The following DACH1 variants were observed in gnomAD, a reference collection of about 807,000 sequenced individuals.
The protein encoded by DACH1 is dachshund family transcription factor 1.
Under a neutral mutation model 54.2 loss-of-function variants are expected in DACH1, and 12 were observed. The ratio of observed to expected loss-of-function variants is 0.22; its 90% CI spans 0.14 to 0.36. DACH1 has a LOEUF of 0.36. Among genes scored for constraint, DACH1 ranks in the 10% least tolerant of loss-of-function variants. The pLI, the probability that DACH1 is intolerant of heterozygous loss-of-function variation, is 1.00. For synonymous variants in DACH1, 386 were observed against 366.2 expected (o/e 1.05, Z -0.62); for missense variants, 805 against 929.8 (o/e 0.87, Z 1.75).
At chr13:71,689,255 T>A (rs778016378) in intron 1 of DACH1, among the ~76,000 whole-genome samples, 1 of 152,138 alleles carries the variant, frequency 6.6e-6, no homozygotes, top group Admixed American at 6.6e-5. Flanking sequence ...GATGCCAGAA[T>A]GGGGGGCTTT....
intron 1 of DACH1, among the ~76,000 whole-genome samples, chr13:71,685,180 C>A (rs970062732): frequency 6.6e-6 from 1 of 152,198 alleles, no homozygotes; most frequent in African/African-American, 2.4e-5. Context: ...CTTTAATTCA[C>A]GCTGTGATTA....
chr13:71,575,400 C>T (rs1885467585), intron 3 of DACH1, among the ~76,000 whole-genome samples: 3 of 151,868 alleles, frequency 2.0e-5, no homozygotes, highest in South Asian at 4.1e-4. Flanking sequence ...GTTTGAGCTC[C>T]ATTTACAGCT....
chr13:71,632,733 C>A (rs1877205036), intron 2 of DACH1, among the ~76,000 whole-genome samples: 1 of 152,022 alleles, frequency 6.6e-6, no homozygotes, highest in Non-Finnish European at 1.5e-5. Flanking sequence ...GCAACAAGAC[C>A]TTCAGATTGG....
chr13:71,823,294 G>C (rs1190220103), intron 1 of DACH1, among the ~76,000 whole-genome samples: 4 of 151,922 alleles, frequency 2.6e-5, no homozygotes, highest in Non-Finnish European at 5.9e-5. Flanking sequence ...CAAAGGAAAG[G>C]GTCAATGTGT....
At chr13:71,839,639 A>T (rs1446753255) in intron 1 of DACH1, among the ~76,000 whole-genome samples, 2 of 152,174 alleles carry the variant, frequency 1.3e-5, no homozygotes, top group East Asian at 3.9e-4. Flanking sequence ...AATAAAATTA[A>T]AAAAGGAGTT....
intron 1 of DACH1, among the ~76,000 whole-genome samples, chr13:71,735,276 ATG>A (rs1883999027): frequency 2.8e-5 from 1 of 35,666 alleles, no homozygotes; most frequent in African/African-American, 4.7e-5. Context: ...GGATACACGT[ATG>A]TATATGGGAT....
intron 2 of DACH1, among the ~76,000 whole-genome samples, chr13:71,672,647 TC>T (rs1216019044): frequency 6.6e-6 from 1 of 152,132 alleles, no homozygotes; most frequent in East Asian, 1.9e-4. Context: ...AAAAAGTTTA[TC>T]TTGCTTTGCA....
At chr13:71,483,250 A>G (rs1259546508) in intron 7 of DACH1, among the ~76,000 whole-genome samples, 1 of 151,180 alleles carries the variant, frequency 6.6e-6, no homozygotes, top group Non-Finnish European at 1.5e-5. Flanking sequence ...ATAAAAACAT[A>G]TAATGTAGGG....
chr13:71,630,037 A>G (rs915396208), intron 3 of DACH1, among the ~76,000 whole-genome samples: 1 of 152,152 alleles, frequency 6.6e-6, no homozygotes, highest in African/African-American at 2.4e-5. Flanking sequence ...AATTAAAGTC[A>G]TATTTTTAAA....
intron 3 of DACH1, among the ~76,000 whole-genome samples, chr13:71,616,736 T>C (rs187622243): frequency 1.3e-5 from 2 of 152,074 alleles, no homozygotes; most frequent in African/African-American, 2.4e-5. Flanking sequence ...ATCCTGTCTC[T>C]AAAATGAACA....
chr13:71,740,531 A>G (rs1043242110), intron 1 of DACH1, among the ~76,000 whole-genome samples: 4 of 152,138 alleles, frequency 2.6e-5, no homozygotes, highest in African/African-American at 7.2e-5. Flanking sequence ...TCAGTAATAT[A>G]TTGATTTATT....
intron 10 of DACH1, among the ~76,000 whole-genome samples, chr13:71,465,348 A>ACTT (rs2043600636): frequency 6.6e-6 from 1 of 152,064 alleles, no homozygotes; most frequent in South Asian, 2.1e-4. Context: ...TTTTCAGATC[A>ACTT]CTTTTATGAC....
intron 2 of DACH1, among the ~76,000 whole-genome samples, 161 bp from the exon 3 acceptor site, chr13:71,630,878 A>C (rs1294475137): frequency 6.6e-6 from 1 of 152,196 alleles, no homozygotes; most frequent in East Asian, 1.9e-4. Context: ...ACAATGAAAC[A>C]ACATTGATAT....
chr13:71,464,369 T>C (rs1876365379), intron 10 of DACH1, among the ~76,000 whole-genome samples: 2 of 152,010 alleles, frequency 1.3e-5, no homozygotes, highest in Non-Finnish European at 1.5e-5. Context: ...TGATACTGAA[T>C]GCAAAATAAT....
intron 1 of DACH1, among the ~76,000 whole-genome samples, chr13:71,828,756 A>T (rs1041830343): frequency 9.2e-5 from 14 of 151,878 alleles, no homozygotes; most frequent in Non-Finnish European, 1.9e-4. Context: ...GCTGGTTCCC[A>T]TCTTTGAGTA....
At chr13:71,478,890 A>C (rs1391724694) in intron 8 of DACH1, among the ~76,000 whole-genome samples, 1 of 152,148 alleles carries the variant, frequency 6.6e-6, no homozygotes, top group Admixed American at 6.5e-5. Context: ...GTTTATTCTT[A>C]TCTTAAAGAA....
chr13:71,821,048 G>A (rs1459367793), intron 1 of DACH1, among the ~76,000 whole-genome samples: 1 of 152,120 alleles, frequency 6.6e-6, no homozygotes, highest in African/African-American at 2.4e-5. Flanking sequence ...GAGAAAGCCA[G>A]GACTAACCGG....
At chr13:71,626,441 T>A (rs1876651024) in intron 3 of DACH1, among the ~76,000 whole-genome samples, 1 of 152,002 alleles carries the variant, frequency 6.6e-6, no homozygotes, top group Admixed American at 6.6e-5. Flanking sequence ...GGTTTTAAAT[T>A]CCGCCTTTGC....
At chr13:71,446,933 T>A (rs1874521743) in intron 10 of DACH1, among the ~76,000 whole-genome samples, 1 of 152,240 alleles carries the variant, frequency 6.6e-6, no homozygotes, top group Non-Finnish European at 1.5e-5. Context: ...CTAAACTTTG[T>A]GCATGGGAGT....
Sources: allele counts gnomAD v4.1 joint callset (sites outside exome capture counted in the v4.1 genomes callset), GRCh38; gene constraint gnomAD v4.1.1; transcripts MANE v1.5; gene names NCBI Gene and HGNC (gene_info 2026-07-23, HGNC 2026-07-21).